The following SOAT1 variants were observed in gnomAD, a reference collection of about 807,000 sequenced individuals.
SOAT1 encodes the protein sterol O-acyltransferase 1.
A neutral mutation model predicts 69.5 loss-of-function variants in SOAT1; 55 were observed. That is an observed-to-expected ratio of 0.79 (90% confidence interval 0.64 to 0.99). The LOEUF (loss-of-function observed/expected upper bound fraction) is 0.99, where lower values mean the gene tolerates loss of function less well. Among genes scored for constraint, SOAT1 ranks in the 50% least tolerant of loss-of-function variants. The probability of loss-of-function intolerance (pLI) is 0.00; values close to 1 mark genes in which losing one functional copy is unlikely to be tolerated. For synonymous variants in SOAT1, 231 were observed against 224.7 expected (o/e 1.03, Z -0.25); for missense variants, 580 against 669.3 (o/e 0.87, Z 1.47).
At chr1:179,301,863 C>G (rs1319214655) in intron 1 of SOAT1, among the ~76,000 whole-genome samples, 1 of 152,172 alleles carries the variant, frequency 6.6e-6, no homozygotes, top group Non-Finnish European at 1.5e-5. Context: ...AGTTCTCATC[C>G]TTCAAGACTG....
rs561749951 is a variant in SOAT1 at position 179,343,128 on chromosome 1, T to G, written c.941+185T>G. 3.9e-5 allele frequency among the ~76,000 whole-genome samples: 6 copies of G among 152,306 alleles called. No homozygotes were observed. In the South Asian group the frequency reaches 1.2e-3, roughly 32 times the overall value. On this transcript the variant is annotated intron_variant, in intron 9 of 15. Transcript: ENST00000367619. ...AGTCTAATTTGATTATAGTAATTCT[T>G]GACAGAATTATAAAGTATTTCATAT...
rs1435749659 is a variant in SOAT1 at position 179,356,461 on chromosome 1, CT to C, written c.*2821del. 103 of 127,298 alleles carry C rather than the reference CT, an allele frequency of 8.1e-4. No homozygotes were observed. The highest frequency in any genetic ancestry group is 2.2e-3 in the Admixed American group (27 of 12,212). 7.9% of individuals were successfully genotyped at this position (127,298 alleles called of 1,614,324 possible). A position where few individuals can be genotyped will look rare whatever the true frequency, so the allele number is the denominator to read the frequency against. On this transcript the variant is annotated 3_prime_UTR_variant, in exon 16 of 16. Coordinates refer to ENST00000367619, the MANE Select transcript of SOAT1 (RefSeq NM_003101.6). Reference sequence around the variant, plus strand: ...TTAGAATTTAATTAGAAAACTGAGGCTGCCTTTTTTTTTTTTTTTTTTTTTT... The same window carrying C: ...TTAGAATTTAATTAGAAAACTGAGGCGCCTTTTTTTTTTTTTTTTTTTTTT...
intron 13 of SOAT1, among the ~76,000 whole-genome samples, chr1:179,349,346 T>A (rs61352959): frequency 0.11 from 16,123 of 146,490 alleles, 1,356 homozygotes; most frequent in African/African-American, 0.24. Flanking sequence ...TTTTTTTTTT[T>A]GAGAGAGTTT....
intron 8 of SOAT1, among the ~76,000 whole-genome samples, chr1:179,342,445 G>A (rs748581216): frequency 1.1e-4 from 16 of 151,878 alleles, no homozygotes; most frequent in Non-Finnish European, 2.1e-4. Flanking sequence ...TGTAGAGATT[G>A]TGTTTTATTT....
intron 2 of SOAT1, among the ~76,000 whole-genome samples, chr1:179,315,219 A>G (rs926688012): frequency 6.6e-6 from 1 of 152,202 alleles, no homozygotes; most frequent in Non-Finnish European, 1.5e-5. Flanking sequence ...CCAAGGCATG[A>G]GGATTGCTGG....
At chr1:179,315,510 T>G (rs1447527883) in intron 2 of SOAT1, among the ~76,000 whole-genome samples, 1 of 152,176 alleles carries the variant, frequency 6.6e-6, no homozygotes, top group Non-Finnish European at 1.5e-5. Flanking sequence ...TAGGCATTCT[T>G]TTGACTTTGA....
chr1:179,298,020 G>T (rs1203877968), intron 1 of SOAT1, among the ~76,000 whole-genome samples: 1 of 149,342 alleles, frequency 6.7e-6, no homozygotes, highest in Non-Finnish European at 1.5e-5. Flanking sequence ...AAAAAAGATT[G>T]ATGGTGTTTA....
chr1:179,300,195 T>C (rs1334455187), intron 1 of SOAT1, among the ~76,000 whole-genome samples: 1 of 152,138 alleles, frequency 6.6e-6, no homozygotes, highest in African/African-American at 2.4e-5. Flanking sequence ...ATTCCCATTA[T>C]TCCTTGTAAA....
chr1:179,341,382 A>T, intron 7 of SOAT1, 72 bp downstream of exon 7: 1 of 1,382,766 alleles, frequency 7.2e-7, no homozygotes, highest in East Asian at 2.3e-5. Flanking sequence ...TGACATACTG[A>T]TACTATTATT....
rs530527632 is a variant in SOAT1, at chr1:179,338,775, C to T, written c.390-663C>T. Among the ~76,000 whole-genome samples the T allele has an allele frequency of 1.7e-4, 26 of 151,778 alleles. 1 individual carries two copies. Among genetic ancestry groups the T allele is most frequent in the Non-Finnish European group, 3.5e-4 (24 of 67,886 alleles). On this transcript the variant is annotated intron_variant, in intron 5 of 15. Coordinates refer to ENST00000367619, the MANE Select transcript of SOAT1 (RefSeq NM_003101.6). Reference sequence around the variant, plus strand: ...TTAAAAAAATTTTTAACCAAGGAAACAAAACATGTTTTCTATGGCTTAGAT... The same window carrying T: ...TTAAAAAAATTTTTAACCAAGGAAATAAAACATGTTTTCTATGGCTTAGAT...
At chr1:179,330,613 C>A (rs139796909) in intron 3 of SOAT1, among the ~76,000 whole-genome samples, 75 of 152,302 alleles carry the variant, frequency 4.9e-4, no homozygotes, top group African/African-American at 1.7e-3. Flanking sequence ...ATGAATTTCT[C>A]CCAGAGTTAG....
At chr1:179,335,248 T>C (rs1336718776) in intron 3 of SOAT1, among the ~76,000 whole-genome samples, 1 of 152,080 alleles carries the variant, frequency 6.6e-6, no homozygotes, top group African/African-American at 2.4e-5. Flanking sequence ...TCCTAGCTAC[T>C]TGGGAGGCTG....
intron 5 of SOAT1, among the ~76,000 whole-genome samples, chr1:179,338,649 G>A (rs1446833218): frequency 2.0e-5 from 3 of 152,084 alleles, no homozygotes; most frequent in South Asian, 4.1e-4. Flanking sequence ...GGGGGAAAAC[G>A]CAGGCTTTTC....
rs996194712 is a variant in SOAT1, at chr1:179,358,543, A to C, written c.*4902A>C. On this transcript the variant is annotated 3_prime_UTR_variant, in exon 16 of 16. Transcript: ENST00000367619. ...TGGGAAAGGAGCTGAAGCCCCAGTC[A>C]AGACTTTGCCATTTGGGGTAATGCA... The C allele has an allele frequency of 6.6e-5, 10 of 152,322 alleles. No individual in the cohort carries two copies. The highest frequency in any genetic ancestry group is 1.3e-4 in the Non-Finnish European group (9 of 68,038). The allele number at this position is 152,322 out of a possible 1,614,324, so 9.4% of individuals were successfully genotyped here.
intron 3 of SOAT1, 86 bp downstream of exon 3, chr1:179,323,581 G>A (rs2124965938): frequency 9.2e-7 from 1 of 1,083,898 alleles, no homozygotes; most frequent in Non-Finnish European, 1.4e-6. Context: ...AAATTGCTCA[G>A]ATAATTATTT....
At chr1:179,320,266 C>T (rs1233810171) in intron 2 of SOAT1, among the ~76,000 whole-genome samples, 2 of 151,970 alleles carry the variant, frequency 1.3e-5, no homozygotes, top group Non-Finnish European at 2.9e-5. Flanking sequence ...TTCAGTTGTC[C>T]CAGCTCCATT....
At chr1:179,305,995 A>G (rs1664989340) in intron 2 of SOAT1, among the ~76,000 whole-genome samples, 1 of 152,214 alleles carries the variant, frequency 6.6e-6, no homozygotes, top group Admixed American at 6.5e-5. Context: ...ACTGAAGTAG[A>G]TTTTGAGTTT....
rs768962216 is a variant in SOAT1, at chr1:179,342,852, C to T, written c.860-10C>T. Reference sequence around the variant, plus strand: ...GAGCCTTTGCTCTAACTATAGTTTTCCTTTTCTAGGCACTGTTCCAATACC... The same window carrying T: ...GAGCCTTTGCTCTAACTATAGTTTTTCTTTTCTAGGCACTGTTCCAATACC... On this transcript the variant is annotated splice_polypyrimidine_tract_variant and intron_variant, in intron 8 of 15. Coordinates refer to ENST00000367619, the MANE Select transcript of SOAT1 (RefSeq NM_003101.6). 5.6e-6 allele frequency: 9 copies of T among 1,606,532 alleles called. No homozygotes were observed. The African/African-American group carries it at 9.4e-5, about 17-fold the overall frequency.
In SOAT1 at chr1:179,345,026, C is replaced by T. The variant is rs992472174; in HGVS notation, c.1067C>T (p.Pro356Leu). 1.2e-6 allele frequency: 2 copies of T among 1,613,812 alleles called. No individual in the cohort carries two copies. The highest frequency in any genetic ancestry group is 1.7e-6 in the Non-Finnish European group (2 of 1,179,740). The change falls in exon 11 of 16, where the codon CCC (proline) becomes CTC (leucine). Residue 356 changes from proline to leucine, a missense_variant. By Grantham distance (98) the Pro-to-Leu change is moderately conservative. Transcript: ENST00000367619. ...APLFRNIKQE[P>L]FSARVLVLCV... ...TTGTTTCGGAATATCAAACAGGAGC[C>T]CTTCAGCGCTCGTGTTCTGGTCCTA...
Sources: gnomAD v4.1 joint callset for allele counts (sites outside exome capture counted in the v4.1 genomes callset) on GRCh38, gnomAD v4.1.1 for gene constraint, MANE v1.5 for transcripts, NCBI Gene and HGNC (gene_info 2026-07-23, HGNC 2026-07-21) for gene names.